Variants in ELP3 observed in about 807,000 individuals in gnomAD.
The protein encoded by ELP3 is elongator acetyltransferase complex subunit 3, also known as elongator complex protein 3.
In ELP3, 56 loss-of-function variants were observed where a neutral mutation model predicts 74.9. The observed-to-expected ratio is 0.75, with a 90% CI of 0.60 to 0.93. The LOEUF (loss-of-function observed/expected upper bound fraction) is 0.93, where lower values mean the gene tolerates loss of function less well. ELP3 is among the 40% of genes least tolerant of loss of function. The pLI is 0.00. For synonymous variants in ELP3, 222 were observed against 239.8 expected (o/e 0.93, Z 0.68); for missense variants, 573 against 686.5 (o/e 0.83, Z 1.85).
At chr8:28,097,460 C>CTT (rs11352232) in intron 2 of ELP3, 142 bp downstream of exon 2, 370 of 442,918 alleles carry the variant, frequency 8.4e-4, no homozygotes, top group Middle Eastern at 2.8e-3. Flanking sequence ...TCATTCATTT[C>CTT]TTTTTTTTTT....
intron 14 of ELP3, among the ~76,000 whole-genome samples, chr8:28,187,250 C>A (rs1346112796): frequency 6.6e-6 from 1 of 152,212 alleles, no homozygotes; most frequent in African/African-American, 2.4e-5. Flanking sequence ...ACCACCATCT[C>A]CCACCTGGAT....
rs892529759 is a variant in ELP3, at chr8:28,174,983, G to C, written c.1567+12905G>C. Among the ~76,000 whole-genome samples the C allele has an allele frequency of 5.3e-5, 8 of 152,168 alleles. No individual in the cohort carries two copies. The East Asian group carries it at 1.4e-3, about 26-fold the overall frequency. ...TAAATGTGCCATCCCATTGCCTTCT[G>C]ACCTCCATAGTTTCTAATATCAGTT... is the stretch of plus-strand genomic sequence containing the variant. On this transcript the variant is annotated intron_variant, in intron 14 of 14. Coordinates refer to ENST00000256398, the MANE Select transcript of ELP3 (RefSeq NM_018091.6).
intron 3 of ELP3, among the ~76,000 whole-genome samples, chr8:28,105,784 T>A (rs1010020270): frequency 6.6e-6 from 1 of 152,212 alleles, no homozygotes; most frequent in African/African-American, 2.4e-5. Context: ...GTAAGAAGCC[T>A]GGCTTGCTTT....
At chr8:28,150,941 G>A (rs1813618935) in intron 10 of ELP3, among the ~76,000 whole-genome samples, 1 of 152,122 alleles carries the variant, frequency 6.6e-6, no homozygotes, top group Non-Finnish European at 1.5e-5. Flanking sequence ...CTACAGGCAT[G>A]TGCCTCCGTT....
At chr8:28,107,844 G>A (rs1585645005) in intron 4 of ELP3, 69 bp from the exon 5 acceptor site, 11 of 1,243,022 alleles carry the variant, frequency 8.8e-6, no homozygotes, top group Non-Finnish European at 1.3e-5. Context: ...GGAGATGGTA[G>A]ATGCTTGGAA....
chr8:28,188,106 G>A (rs574310439), intron 14 of ELP3, among the ~76,000 whole-genome samples: 55 of 152,282 alleles, frequency 3.6e-4, no homozygotes, highest in African/African-American at 1.3e-3. Context: ...AAGGACGGAG[G>A]GAGTGCCTGT....
At chr8:28,108,200 T>C (rs1054379548) in intron 5 of ELP3, among the ~76,000 whole-genome samples, 7 of 152,312 alleles carry the variant, frequency 4.6e-5, no homozygotes, top group African/African-American at 1.4e-4. Flanking sequence ...ACTTACTTCT[T>C]ATCCCAAATG....
At chr8:28,183,080 T>C (rs1815083921) in intron 14 of ELP3, 1 of 454,510 alleles carries the variant, frequency 2.2e-6, no homozygotes, top group East Asian at 7.0e-5. Flanking sequence ...GTAACCCCTT[T>C]CCATGGGTCT....
chr8:28,163,880 T>C (rs1814203087), intron 14 of ELP3, among the ~76,000 whole-genome samples: 1 of 152,220 alleles, frequency 6.6e-6, no homozygotes, highest in African/African-American at 2.4e-5. Flanking sequence ...TCAGTGGGCC[T>C]GGGTGGGGCC....
At position 28,099,853 on chromosome 8, in the gene ELP3, T is replaced by C; in HGVS notation, c.145T>C (p.Tyr49His). ...NKVKTKTAAK[Y>H]GLSAQPRLVD... ...GGTGAAAACCAAGACAGCTGCCAAA[T>C]ATGGCCTTTCTGCCCAGCCCCGCCT... Residue 49 changes from tyrosine to histidine, a missense_variant, in exon 3 of 15, where the codon TAT (tyrosine) becomes CAT (histidine). By Grantham distance (83) the Tyr-to-His change is moderately conservative. Transcript: ENST00000256398. The C allele has an allele frequency of 3.1e-6, 5 of 1,614,222 alleles. No individual in the cohort carries two copies. Among genetic ancestry groups the C allele is most frequent in the African/African-American group, 1.3e-5 (1 of 75,044 alleles).
intron 7 of ELP3, among the ~76,000 whole-genome samples, chr8:28,122,981 A>G (rs1812432112): frequency 2.6e-5 from 4 of 152,186 alleles, no homozygotes; most frequent in South Asian, 2.1e-4. Context: ...AAAGTTAGCC[A>G]TGTGTGGTGG....
At chr8:28,132,786 C>T in intron 9 of ELP3, among the ~76,000 whole-genome samples, 1 of 152,030 alleles carries the variant, frequency 6.6e-6, no homozygotes, top group East Asian at 1.9e-4. Flanking sequence ...ATTTAAATGT[C>T]TTTTTAATTT....
At chr8:28,101,368 T>C (rs1811477953) in intron 3 of ELP3, among the ~76,000 whole-genome samples, 1 of 151,902 alleles carries the variant, frequency 6.6e-6, no homozygotes, top group African/African-American at 2.4e-5. Flanking sequence ...TGCAGTGAGC[T>C]GAGATCATGC....
intron 6 of ELP3, among the ~76,000 whole-genome samples, chr8:28,111,607 C>A (rs1811918886): frequency 6.6e-6 from 1 of 152,156 alleles, no homozygotes; most frequent in African/African-American, 2.4e-5. Context: ...TCTGGGGGAG[C>A]CCACATTTTT....
chr8:28,128,092 AT>A (rs888093175), intron 7 of ELP3, among the ~76,000 whole-genome samples: 8 of 152,202 alleles, frequency 5.3e-5, no homozygotes, highest in South Asian at 2.1e-4. Context: ...TAAATGGGAA[AT>A]TTTTTTTAAA....
chr8:28,177,242 AT>A (rs958937481), intron 14 of ELP3, among the ~76,000 whole-genome samples: 21 of 152,130 alleles, frequency 1.4e-4, no homozygotes, highest in African/African-American at 5.1e-4. Flanking sequence ...TTTTAATAGA[AT>A]GGGGAAAAAA....
At chr8:28,187,769 G>T (rs1279443285) in intron 14 of ELP3, among the ~76,000 whole-genome samples, 7 of 152,080 alleles carry the variant, frequency 4.6e-5, no homozygotes, top group African/African-American at 1.4e-4. Flanking sequence ...GAGCTTGCGG[G>T]GCAGGTTACC....
At chr8:28,153,129 G>A (rs1813704663) in intron 10 of ELP3, among the ~76,000 whole-genome samples, 1 of 152,158 alleles carries the variant, frequency 6.6e-6, no homozygotes, top group Non-Finnish European at 1.5e-5. Context: ...TCCTTGTGGG[G>A]TTTACATGTC....
intron 14 of ELP3, among the ~76,000 whole-genome samples, chr8:28,174,804 A>G (rs1814677959): frequency 6.6e-6 from 1 of 152,128 alleles, no homozygotes; most frequent in South Asian, 2.1e-4. Flanking sequence ...GACTTCCTTT[A>G]GCATTTCTTA....
Sources: gnomAD v4.1 joint callset for allele counts (sites outside exome capture counted in the v4.1 genomes callset) on GRCh38, gnomAD v4.1.1 for gene constraint, MANE v1.5 for transcripts, NCBI Gene and HGNC (gene_info 2026-07-23, HGNC 2026-07-21) for gene names.